The following ATRIP variants were observed in gnomAD, a reference collection of about 807,000 sequenced individuals.
The protein encoded by ATRIP is ATR-interacting protein.
A neutral mutation model predicts 78.1 loss-of-function variants in ATRIP; 44 were observed. That is an observed-to-expected ratio of 0.56 (90% confidence interval 0.44 to 0.72). ATRIP has a LOEUF of 0.72. ATRIP is among the 30% of genes least tolerant of loss of function. The pLI is 0.00. For synonymous variants in ATRIP, 388 were observed against 408.9 expected (o/e 0.95, Z 0.62); for missense variants, 927 against 980.2 (o/e 0.95, Z 0.72).
chr3:48,450,604 T>C, intron 2 of ATRIP: 1 of 1,198,146 alleles, frequency 8.3e-7, no homozygotes, highest in Non-Finnish European at 1.1e-6. Flanking sequence ...TTTTTTTTTT[T>C]TTTTTGGAGA....
intron 1 of ATRIP, among the ~76,000 whole-genome samples, chr3:48,448,589 C>T (rs2039748222): frequency 1.3e-5 from 2 of 152,264 alleles, no homozygotes; most frequent in East Asian, 3.8e-4. Context: ...CCCTTTCTCA[C>T]TCTCTGGGTC....
intron 7 of ATRIP, 55 bp downstream of exon 7, chr3:48,459,971 T>A: frequency 6.3e-7 from 1 of 1,576,370 alleles, no homozygotes; most frequent in Non-Finnish European, 8.6e-7. Context: ...TGGAAGCAAA[T>A]TCCTTTCTGG....
At chr3:48,458,222 C>T (rs1229442829) in intron 5 of ATRIP, among the ~76,000 whole-genome samples, 2 of 151,998 alleles carry the variant, frequency 1.3e-5, no homozygotes, top group Non-Finnish European at 2.9e-5. Flanking sequence ...GGATTACAGG[C>T]ACCTGCCATC....
intron 12 of ATRIP, among the ~76,000 whole-genome samples, chr3:48,465,286 C>T (rs1180744422): frequency 1.3e-5 from 2 of 152,250 alleles, no homozygotes; most frequent in East Asian, 3.8e-4. Flanking sequence ...GTTGAGTGTG[C>T]CTGGCAGAGC....
rs966126838 is a variant in ATRIP, at chr3:48,446,778, C to T, written c.-68C>T. The stretch of plus-strand genomic sequence containing the variant: ...AGCGGCGGCGCGCGGACGGTTGGTC[C>T]AGTTCTCCGGCCTGGCGGCAGGCAA... On this transcript the variant is annotated 5_prime_UTR_variant, in exon 1 of 13. Transcript: ENST00000320211. The T allele has an allele frequency of 3.0e-6, 4 of 1,349,416 alleles. No individual in the cohort carries two copies. Among genetic ancestry groups the T allele is most frequent in the South Asian group, 2.4e-5 (1 of 42,484 alleles). The allele number at this position is 1,349,416 out of a possible 1,614,324, so 83.6% of individuals were successfully genotyped here.
intron 1 of ATRIP, among the ~76,000 whole-genome samples, chr3:48,448,161 C>CTTTT (rs34075060): frequency 8.6e-5 from 10 of 116,740 alleles, no homozygotes; most frequent in African/African-American, 9.9e-5. Flanking sequence ...CGTGAACACC[C>CTTTT]TTTTTTTTTT....
Position 48,466,285 on chromosome 3 carries a change from ACTGC to A in ATRIP, c.*748_*751del, listed in dbSNP as rs371036312. On this transcript the variant is annotated 3_prime_UTR_variant, in exon 13 of 13. Transcript: ENST00000320211. ...CGGGAGAGTGTGCAGCCGAGTCACTACTGCCTGCCTGCCTGCCTGCTACGGTGAG... is the reference window on the plus strand; with the variant it reads ...CGGGAGAGTGTGCAGCCGAGTCACTACTGCCTGCCTGCCTGCTACGGTGAG... 136 of 665,686 alleles carry A rather than the reference ACTGC, an allele frequency of 2.0e-4. No homozygotes were observed. The highest frequency in any genetic ancestry group is 6.1e-4 in the Admixed American group (26 of 42,698). 41.2% of individuals were successfully genotyped at this position (665,686 alleles called of 1,614,324 possible). A position where few individuals can be genotyped will look rare whatever the true frequency, so the allele number is the denominator to read the frequency against.
Position 48,467,389 on chromosome 3 carries a change from C to T in ATRIP, c.*1835C>T. ...GCCTCTGCTAGGACCAAGCCAAGAC[C>T]ATCTGCTGTCACAACCACTGCACAC... is the stretch of plus-strand genomic sequence containing the variant. On this transcript the variant is annotated 3_prime_UTR_variant, in exon 13 of 13. Coordinates refer to ENST00000320211, the MANE Select transcript of ATRIP (RefSeq NM_130384.3). 2 of 1,614,222 alleles carry T rather than the reference C, an allele frequency of 1.2e-6. No individual in the cohort carries two copies. Among genetic ancestry groups the T allele is most frequent in the South Asian group, 1.1e-5 (1 of 91,092 alleles).
Position 48,467,109 on chromosome 3 carries a change from T to C in ATRIP, c.*1555T>C. 6.2e-7 allele frequency: 1 copy of C among 1,613,976 alleles called. No individual in the cohort carries two copies. Among genetic ancestry groups the C allele is most frequent in the Non-Finnish European group, 8.5e-7 (1 of 1,180,034 alleles). ...CACCAGTGCTCTGGATGGTGCCTTC[T>C]GTGTGGATAGCATCACTGCGCTGAA... On this transcript the variant is annotated 3_prime_UTR_variant, in exon 13 of 13. Transcript: ENST00000320211.
In ATRIP at chr3:48,464,139, A is replaced by C. The variant is rs1575287310; in HGVS notation, c.1974+7A>C. 6.2e-7 allele frequency: 1 copy of C among 1,607,368 alleles called. No homozygotes were observed. The highest frequency in any genetic ancestry group is 8.5e-7 in the Non-Finnish European group (1 of 1,174,572). The stretch of plus-strand genomic sequence containing the variant: ...GCTCCAGCTGGAACAAGAGGTAAAA[A>C]CTCCAGAGCCCCTTCTGGACACTGT... On this transcript the variant is annotated splice_region_variant and intron_variant, in intron 10 of 12. Transcript: ENST00000320211.
In ATRIP at chr3:48,464,929, C is replaced by T; in HGVS notation, c.2154C>T (p.Arg718=). Residue 718 remains arginine, a synonymous_variant, in exon 12 of 13, where the codon CGC becomes CGT. Coordinates refer to ENST00000320211, the MANE Select transcript of ATRIP (RefSeq NM_130384.3). ...PRTDQQRRTV[R]CLRDTVLLLH... is the part of the protein sequence containing the mutation. ...CCGACCAGCAGAGGCGGACAGTGCG[C>T]TGTCTGCGGGACACGGTGCTGCTGC... The T allele has an allele frequency of 1.9e-6, 3 of 1,614,182 alleles. No homozygotes were observed. The highest frequency in any genetic ancestry group is 2.5e-6 in the Non-Finnish European group (3 of 1,180,044).
rs1560104836 is a variant in ATRIP at position 48,457,315 on chromosome 3, G to C, written c.728G>C (p.Gly243Ala). Residue 243 changes from glycine to alanine, a missense_variant, in exon 5 of 13, where the codon GGA becomes GCA. Coordinates refer to ENST00000320211, the MANE Select transcript of ATRIP (RefSeq NM_130384.3). ...IKPEACSPQF[G>A]KTSFPTKESF... ...CCAGAAGCATGTTCTCCACAATTTG[G>C]AAAAACATCTTTTCCTACAAAGGAG... is the stretch of plus-strand genomic sequence containing the variant. The C allele has an allele frequency of 1.2e-6, 2 of 1,606,460 alleles. No homozygotes were observed. Among genetic ancestry groups the C allele is most frequent in the Admixed American group, 1.7e-5 (1 of 58,794 alleles).
intron 2 of ATRIP, among the ~76,000 whole-genome samples, chr3:48,450,808 A>G (rs1051034982): frequency 1.9e-4 from 29 of 151,636 alleles, no homozygotes; most frequent in Non-Finnish European, 4.1e-4. Context: ...GCTGGTCTCA[A>G]ACTCCTGGCC....
chr3:48,459,788 T>C lies in ATRIP; in HGVS notation c.927T>C (p.Gly309=). 6.2e-7 allele frequency: 1 copy of C among 1,610,410 alleles called. No homozygotes were observed. The highest frequency in any genetic ancestry group is 8.5e-7 in the Non-Finnish European group (1 of 1,179,020). Residue 309 remains glycine (G), a splice_region_variant and synonymous_variant, in exon 7 of 13, where the codon GGT becomes GGC. Coordinates refer to ENST00000320211, the MANE Select transcript of ATRIP (RefSeq NM_130384.3). ...DSWRQRSNTQ[G]SILINLLLKQ... The stretch of plus-strand genomic sequence containing the variant: ...CTAGAGTCATCTTGTCTTCTGCAGG[T>C]TCCATTTTGATAAACCTGCTCCTGA...
rs764633605 is a variant in ATRIP, at chr3:48,446,829, TG to T, written c.-13del. 9.3e-6 allele frequency: 13 copies of T among 1,395,578 alleles called. No individual in the cohort carries two copies. The highest frequency in any genetic ancestry group is 9.0e-5 in the African/African-American group (6 of 66,396). The allele number at this position is 1,395,578 out of a possible 1,614,324, so 86.4% of individuals were successfully genotyped here. On this transcript the variant is annotated 5_prime_UTR_variant, in exon 1 of 13. Coordinates refer to ENST00000320211, the MANE Select transcript of ATRIP (RefSeq NM_130384.3). The stretch of plus-strand genomic sequence containing the variant: ...GTCTAGCTCGGCGCTGTCGGATACT[TG>T]GGGTGAGCGGAAAGCATGGCGGGGA...
In ATRIP at chr3:48,466,819, C is replaced by T; in HGVS notation, c.*1265C>T. On this transcript the variant is annotated 3_prime_UTR_variant, in exon 13 of 13. Coordinates refer to ENST00000320211, the MANE Select transcript of ATRIP (RefSeq NM_130384.3). Reference sequence around the variant, plus strand: ...CCCCCCACCTCTCAGGGGCCACCTCCCACAGTTCCTCCACCACCGCGTGTG... The same window carrying T: ...CCCCCCACCTCTCAGGGGCCACCTCTCACAGTTCCTCCACCACCGCGTGTG... 3.1e-6 allele frequency: 5 copies of T among 1,614,016 alleles called. No homozygotes were observed. Among genetic ancestry groups the T allele is most frequent in the Non-Finnish European group, 4.2e-6 (5 of 1,180,038 alleles).
chr3:48,462,562 G>A (rs1037321988), intron 8 of ATRIP, among the ~76,000 whole-genome samples: 10 of 152,098 alleles, frequency 6.6e-5, no homozygotes, highest in African/African-American at 2.4e-4. Flanking sequence ...AAGTAGCTGG[G>A]CGTGGTGGCA....
In ATRIP at chr3:48,460,505, A is replaced by T; in HGVS notation, c.1451A>T (p.His484Leu). 1 of 1,612,960 alleles carries T rather than the reference A, an allele frequency of 6.2e-7. No homozygotes were observed. Among genetic ancestry groups the T allele is most frequent in the South Asian group, 1.1e-5 (1 of 90,912 alleles). Residue 484 changes from histidine to leucine, a missense_variant, in exon 8 of 13, where the codon CAC becomes CTC. His to Leu is a moderately conservative substitution (Grantham distance 99). Coordinates refer to ENST00000320211, the MANE Select transcript of ATRIP (RefSeq NM_130384.3). Reference sequence around the variant, plus strand: ...GTGACTGCACTTAGCATTCTTCAGCACCTGGTGTGCCACAGCGGAGCAGTC... The same window carrying T: ...GTGACTGCACTTAGCATTCTTCAGCTCCTGGTGTGCCACAGCGGAGCAGTC... ...FSVTALSILQ[H>L]LVCHSGAVVS...
At position 48,466,583 on chromosome 3, in the gene ATRIP, G is replaced by A. The variant is rs761430859; in HGVS notation, c.*1029G>A. On this transcript the variant is annotated 3_prime_UTR_variant, in exon 13 of 13. Transcript: ENST00000320211. The stretch of plus-strand genomic sequence containing the variant: ...CCCCTACCCCACTCCCTCCCCTTCG[G>A]ATCTTAACACTGGGCACTCACACAC... 3 of 1,613,900 alleles carry A rather than the reference G, an allele frequency of 1.9e-6. No homozygotes were observed. The highest frequency in any genetic ancestry group is 2.5e-6 in the Non-Finnish European group (3 of 1,179,972).
Sources: gnomAD v4.1 joint callset for allele counts (sites outside exome capture counted in the v4.1 genomes callset) on GRCh38, gnomAD v4.1.1 for gene constraint, MANE v1.5 for transcripts, NCBI Gene and HGNC (gene_info 2026-07-23, HGNC 2026-07-21) for gene names.